The following GPR158 variants were observed in gnomAD, a reference collection of about 807,000 sequenced individuals.
GPR158 encodes metabotropic glycine receptor.
Under a neutral mutation model 78.2 loss-of-function variants are expected in GPR158, and 30 were observed. The ratio of observed to expected loss-of-function variants is 0.38; its 90% CI spans 0.29 to 0.52. The LOEUF is 0.52. Ranked by LOEUF, GPR158 falls within the 20% of genes least tolerant of loss-of-function variation. The pLI is 0.83. For missense variants in GPR158, 1,463 were observed against 1,523.5 expected (o/e 0.96, Z 0.66); for synonymous variants, 581 against 591.1 (o/e 0.98, Z 0.25).
At chr10:25,375,104 C>G (rs1314193890) in intron 2 of GPR158, among the ~76,000 whole-genome samples, 4 of 151,530 alleles carry the variant, frequency 2.6e-5, no homozygotes, top group Non-Finnish European at 5.9e-5. Flanking sequence ...GATAATATCT[C>G]TTTGTGGTTT....
In GPR158 at chr10:25,598,457, A is replaced by G. The variant is rs754667443; in HGVS notation, c.2831A>G (p.Asn944Ser). 1.3e-5 allele frequency: 21 copies of G among 1,614,072 alleles called. No homozygotes were observed. The highest frequency in any genetic ancestry group is 1.8e-5 in the Non-Finnish European group (21 of 1,179,978). The change falls in exon 11 of 11, where the codon AAT becomes AGT. Residue 944 changes from asparagine to serine, a missense_variant. Transcript: ENST00000376351. The part of the protein sequence containing the change: ...PLPKDKETNR[N>S]HSNSDNTETK... The stretch of plus-strand genomic sequence containing the variant: ...CCAAAAGATAAAGAGACAAACAGAA[A>G]TCACTCAAATTCTGATAACACAGAG...
chr10:25,250,991 G>A (rs1229989144), intron 2 of GPR158, among the ~76,000 whole-genome samples: 3 of 151,574 alleles, frequency 2.0e-5, no homozygotes, highest in Non-Finnish European at 4.4e-5. Context: ...ATGAATCTGG[G>A]TGCTCCTGTA....
chr10:25,354,260 C>A (rs1038637141), intron 2 of GPR158, among the ~76,000 whole-genome samples: 1 of 151,344 alleles, frequency 6.6e-6, no homozygotes, highest in Non-Finnish European at 1.5e-5. Flanking sequence ...GAGGCTGAGG[C>A]AGGAGAATCA....
intron 5 of GPR158, among the ~76,000 whole-genome samples, chr10:25,516,431 G>A (rs1165097224): frequency 7.2e-5 from 11 of 152,110 alleles, no homozygotes; most frequent in South Asian, 2.1e-4. Flanking sequence ...TGTTTTGGAC[G>A]TGAAGTCCTT....
intron 2 of GPR158, among the ~76,000 whole-genome samples, chr10:25,272,811 G>A (rs1157272742): frequency 6.6e-6 from 1 of 152,184 alleles, no homozygotes; most frequent in East Asian, 1.9e-4. Context: ...AACAGCAAAT[G>A]TTCCTTCAAA....
At chr10:25,344,647 A>G (rs1384608959) in intron 2 of GPR158, among the ~76,000 whole-genome samples, 5 of 152,010 alleles carry the variant, frequency 3.3e-5, no homozygotes, top group African/African-American at 1.2e-4. Context: ...GAAGCCCAGA[A>G]ACTCCAGTGT....
chr10:25,493,116 G>A (rs3005187), intron 5 of GPR158, among the ~76,000 whole-genome samples: 5 of 151,832 alleles, frequency 3.3e-5, no homozygotes, highest in Non-Finnish European at 7.4e-5. Context: ...TGACATATAG[G>A]CCTTTCACGA....
chr10:25,408,528 A>T (rs984902571), intron 3 of GPR158, among the ~76,000 whole-genome samples: 2 of 152,142 alleles, frequency 1.3e-5, no homozygotes, highest in Non-Finnish European at 2.9e-5. Context: ...GTGCTCTATG[A>T]CTTTTGACAC....
chr10:25,361,221 A>T (rs749944006), intron 2 of GPR158, among the ~76,000 whole-genome samples: 1 of 151,986 alleles, frequency 6.6e-6, no homozygotes, highest in Non-Finnish European at 1.5e-5. Context: ...TTCACATAGC[A>T]TAATGTCCTC....
chr10:25,238,164 G>A (rs1349434901), intron 2 of GPR158, among the ~76,000 whole-genome samples: 1 of 152,080 alleles, frequency 6.6e-6, no homozygotes, highest in Non-Finnish European at 1.5e-5. Context: ...GGCACAATTT[G>A]GGCCAAGGCT....
chr10:25,306,989 ACACACACACATACG>A (rs993847177), intron 2 of GPR158, among the ~76,000 whole-genome samples: 1 of 148,238 alleles, frequency 6.7e-6, no homozygotes, highest in Non-Finnish European at 1.5e-5. Flanking sequence ...AGAGTCACAC[ACACACACACATACG>A]CACACACACA....
chr10:25,366,904 C>CATGTCT (rs1855732539), intron 2 of GPR158, among the ~76,000 whole-genome samples: 1 of 151,688 alleles, frequency 6.6e-6, no homozygotes, highest in Non-Finnish European at 1.5e-5. Context: ...TTCACATTGG[C>CATGTCT]ATGTCTATCT....
chr10:25,409,624 G>T (rs895333980), intron 3 of GPR158, among the ~76,000 whole-genome samples: 1 of 152,052 alleles, frequency 6.6e-6, no homozygotes, highest in Non-Finnish European at 1.5e-5. Context: ...TTTTTCCAGT[G>T]TTAGAAAAAG....
chr10:25,540,276 T>A (rs4550137), intron 5 of GPR158, among the ~76,000 whole-genome samples: 86,130 of 151,804 alleles, frequency 0.57, 25,679 homozygotes, highest in African/African-American at 0.76. Context: ...TGGTGATCAT[T>A]AAAAAGTCAG....
intron 7 of GPR158, among the ~76,000 whole-genome samples, chr10:25,585,358 A>G (rs1837253751): frequency 6.6e-6 from 1 of 152,214 alleles, no homozygotes; most frequent in South Asian, 2.1e-4. Context: ...GGGCAAAGGG[A>G]GAAAAAAACT....
At chr10:25,391,024 G>T (rs922311562) in intron 2 of GPR158, among the ~76,000 whole-genome samples, 11 of 152,216 alleles carry the variant, frequency 7.2e-5, no homozygotes, top group African/African-American at 2.7e-4. Flanking sequence ...TTGCTTCAGA[G>T]GGTCAAGCCC....
chr10:25,268,389 A>G (rs1194261038), intron 2 of GPR158, among the ~76,000 whole-genome samples: 2 of 152,102 alleles, frequency 1.3e-5, no homozygotes, highest in Admixed American at 6.6e-5. Flanking sequence ...AATATTGGCC[A>G]TATGTGCATT....
chr10:25,469,990 A>G (rs920316401), intron 5 of GPR158, among the ~76,000 whole-genome samples: 1 of 151,932 alleles, frequency 6.6e-6, no homozygotes, highest in Non-Finnish European at 1.5e-5. Context: ...TAGACTGACT[A>G]TGTCACTCCT....
chr10:25,307,258 C>T (rs888107188), intron 2 of GPR158, among the ~76,000 whole-genome samples: 1 of 151,064 alleles, frequency 6.6e-6, no homozygotes, highest in South Asian at 2.1e-4. Context: ...CTCCAAAATG[C>T]AACTAAGCTA....
Sources: gnomAD v4.1 joint callset for allele counts (sites outside exome capture counted in the v4.1 genomes callset) on GRCh38, gnomAD v4.1.1 for gene constraint, MANE v1.5 for transcripts, NCBI Gene and HGNC (gene_info 2026-07-23, HGNC 2026-07-21) for gene names.